SNTG2: variants seen among roughly 807,000 people sequenced by gnomAD.
SNTG2 encodes the protein syntrophin gamma 2.
Under a neutral mutation model 70.9 loss-of-function variants are expected in SNTG2, and 74 were observed. The ratio of observed to expected loss-of-function variants is 1.04; its 90% CI spans 0.86 to 1.27. SNTG2 has a LOEUF of 1.27. Among genes scored for constraint, SNTG2 ranks in the 50% most tolerant of loss-of-function variants. SNTG2 has a pLI of 0.00. For missense variants in SNTG2, 717 were observed against 690.7 expected, an observed-to-expected ratio of 1.04 and a Z score of -0.43; for synonymous variants, 278 against 273.8, an observed-to-expected ratio of 1.02 and a Z score of -0.15.
In SNTG2 at chr2:1,351,612, GA is replaced by G. The variant is rs555641900; in HGVS notation, c.1489-15730del. 9.6e-3 allele frequency among the ~76,000 whole-genome samples: 1,462 copies of G among 152,224 alleles called. 13 individuals carry two copies. The highest frequency in any genetic ancestry group is 0.015 in the Non-Finnish European group (988 of 68,012). ...ATTGGAGGCACACGGGATGTGAACG[GA>G]GTCCTCTGTTGTCATCTACCCACTC... On this transcript the variant is annotated intron_variant, in intron 16 of 16. Coordinates refer to ENST00000308624, the MANE Select transcript of SNTG2 (RefSeq NM_018968.4).
At chr2:973,298 C>T (rs963743417) in intron 1 of SNTG2, among the ~76,000 whole-genome samples, 1 of 152,130 alleles carries the variant, frequency 6.6e-6, no homozygotes, top group African/African-American at 2.4e-5. Context: ...GTAAATTTCC[C>T]TACATTTTAT....
chr2:1,356,197 C>T (rs914668727), intron 16 of SNTG2, among the ~76,000 whole-genome samples: 1 of 152,046 alleles, frequency 6.6e-6, no homozygotes, highest in South Asian at 2.1e-4. Flanking sequence ...TTGACGTGGA[C>T]CCAAATGTCT....
At chr2:1,089,974 C>T (rs1391636111) in intron 2 of SNTG2, among the ~76,000 whole-genome samples, 1 of 152,140 alleles carries the variant, frequency 6.6e-6, no homozygotes, top group Non-Finnish European at 1.5e-5. Context: ...TCCTCACTGG[C>T]CTTTCGGTAC....
chr2:1,318,760 T>G (rs1466220201), intron 16 of SNTG2, among the ~76,000 whole-genome samples: 1 of 152,094 alleles, frequency 6.6e-6, no homozygotes, highest in Non-Finnish European at 1.5e-5. Context: ...TGCAGCTGTT[T>G]GCCTTGGGCG....
intron 1 of SNTG2, among the ~76,000 whole-genome samples, chr2:1,058,679 A>G (rs1292242619): frequency 6.6e-6 from 1 of 152,230 alleles, no homozygotes; most frequent in Non-Finnish European, 1.5e-5. Context: ...TGGGAGTAGC[A>G]TCATCCTTGG....
intron 4 of SNTG2, among the ~76,000 whole-genome samples, chr2:1,125,444 C>G (rs1667639959): frequency 6.6e-6 from 1 of 152,152 alleles, no homozygotes; most frequent in Non-Finnish European, 1.5e-5. Context: ...GCCTTCAAAG[C>G]ACCCATGCAT....
chr2:1,047,539 A>G (rs1479238751), intron 1 of SNTG2, among the ~76,000 whole-genome samples: 1 of 152,138 alleles, frequency 6.6e-6, no homozygotes, highest in Non-Finnish European at 1.5e-5. Context: ...AGTTGGCTTC[A>G]TTTCTGGATG....
intron 1 of SNTG2, among the ~76,000 whole-genome samples, chr2:1,069,397 C>T (rs542611287): frequency 2.0e-5 from 3 of 151,162 alleles, no homozygotes; most frequent in Non-Finnish European, 2.9e-5. Context: ...CCAACCTGTG[C>T]GTGAAACTGA....
intron 1 of SNTG2, among the ~76,000 whole-genome samples, chr2:1,066,657 C>G (rs917738872): frequency 6.6e-6 from 1 of 152,096 alleles, no homozygotes; most frequent in African/African-American, 2.4e-5. Flanking sequence ...ACATCACAAT[C>G]TGATTGAGAA....
chr2:965,330 ATCCTCCTCCTGGTCCCCAG>A (rs1179671260), intron 1 of SNTG2, among the ~76,000 whole-genome samples: 50 of 96,006 alleles, frequency 5.2e-4, no homozygotes, highest in South Asian at 6.1e-4. Context: ...TTGGACCCCA[ATCCTCCTCCTGGTCCCCAG>A]TCCTCCTCCT....
chr2:1,222,037 GTCTCTCTCTGTCTCTCTCTGTCTCTGTT>G (rs1675112263), intron 9 of SNTG2, among the ~76,000 whole-genome samples: 1 of 3,974 alleles, frequency 2.5e-4, no homozygotes, highest in Admixed American at 2.6e-3. Flanking sequence ...GCCTATCTCT[GTCTCTCTCTGTCTCTCTCTGTCTCTGTT>G]TCTCTCTGTC....
chr2:1,260,754 G>T (rs1678370059), intron 13 of SNTG2, among the ~76,000 whole-genome samples: 1 of 151,978 alleles, frequency 6.6e-6, no homozygotes, highest in Non-Finnish European at 1.5e-5. Flanking sequence ...TGATATGCAG[G>T]TCATTTCATC....
chr2:1,087,927 A>C (rs983113499), intron 2 of SNTG2, among the ~76,000 whole-genome samples: 1 of 152,224 alleles, frequency 6.6e-6, no homozygotes, highest in African/African-American at 2.4e-5. Context: ...TTCTATACAC[A>C]ATATACAAAA....
intron 1 of SNTG2, among the ~76,000 whole-genome samples, chr2:1,054,277 C>G (rs1425720070): frequency 5.3e-5 from 8 of 151,596 alleles, no homozygotes; most frequent in Non-Finnish European, 8.8e-5. Flanking sequence ...CGTTCCCACC[C>G]AAGAGAGGCG....
intron 11 of SNTG2, chr2:1,242,892 T>C (rs1017227472): frequency 9.9e-5 from 15 of 152,222 alleles, no homozygotes; most frequent in African/African-American, 3.6e-4. Context: ...ACATCCTTAT[T>C]AAGGTGGTAC....
chr2:1,099,942 TGCA>T (rs1247989461), intron 4 of SNTG2, among the ~76,000 whole-genome samples: 3 of 152,180 alleles, frequency 2.0e-5, no homozygotes, highest in Non-Finnish European at 4.4e-5. Context: ...CCGTTAAACT[TGCA>T]GCAGATGGGA....
chr2:1,053,936 C>A (rs529842073), intron 1 of SNTG2, among the ~76,000 whole-genome samples: 1 of 151,752 alleles, frequency 6.6e-6, no homozygotes, highest in African/African-American at 2.4e-5. Flanking sequence ...CCTCCCGCCC[C>A]CCTCTTGCTT....
At chr2:1,045,102 C>T (rs1168457541) in intron 1 of SNTG2, among the ~76,000 whole-genome samples, 1 of 151,652 alleles carries the variant, frequency 6.6e-6, no homozygotes, top group Non-Finnish European at 1.5e-5. Context: ...GTTTCAGTTT[C>T]TTCCTGGTTC....
intron 16 of SNTG2, among the ~76,000 whole-genome samples, chr2:1,320,489 C>T (rs1050913206): frequency 1.4e-5 from 2 of 145,176 alleles, no homozygotes; most frequent in African/African-American, 2.6e-5. Context: ...CCGAGATCAT[C>T]GCGCCACTGT....
Sources: gnomAD v4.1 joint callset for allele counts (sites outside exome capture counted in the v4.1 genomes callset) on GRCh38, gnomAD v4.1.1 for gene constraint, MANE v1.5 for transcripts, NCBI Gene and HGNC (gene_info 2026-07-23, HGNC 2026-07-21) for gene names.